Variants in SPECC1L observed in about 807,000 individuals in gnomAD.
The protein encoded by SPECC1L is cytospin-A.
SPECC1L carries 40 observed loss-of-function variants against 116.8 expected under a neutral mutation model. The ratio of observed to expected loss-of-function variants is 0.34; its 90% CI spans 0.27 to 0.45. The LOEUF (loss-of-function observed/expected upper bound fraction) is 0.45. Among genes scored for constraint, SPECC1L ranks in the 20% least tolerant of loss-of-function variants. SPECC1L has a pLI of 1.00. For missense variants in SPECC1L, 1,110 were observed against 1,373.6 expected, an observed-to-expected ratio of 0.81 and a Z score of 3.03; for synonymous variants, 504 against 500.6, an observed-to-expected ratio of 1.01 and a Z score of -0.09.
chr22:24,350,779 T>C (rs553517471), intron 11 of SPECC1L, among the ~76,000 whole-genome samples: 1 of 152,304 alleles, frequency 6.6e-6, no homozygotes, highest in Admixed American at 6.5e-5. Flanking sequence ...CCTTCTTCAG[T>C]CTGCGTTAAG....
Position 24,306,844 on chromosome 22 carries a change from C to T in SPECC1L, c.153+4460C>T, listed in dbSNP as rs542644832. Among the ~76,000 whole-genome samples, 58 of 152,306 alleles carry T rather than the reference C, an allele frequency of 3.8e-4. 3 individuals carry two copies. The South Asian group carries it at 0.012, about 30-fold the overall frequency. On this transcript the variant is annotated intron_variant, in intron 3 of 16. Transcript: ENST00000314328. ...TCTCCAGCGCCTGACAACCACCATT[C>T]TACTTTCTGTCTCTATGAATTTCAC...
chr22:24,355,366 C>T (rs1328725712), intron 11 of SPECC1L, among the ~76,000 whole-genome samples: 1 of 151,848 alleles, frequency 6.6e-6, no homozygotes, highest in African/African-American at 2.4e-5. Context: ...CCTTTAGTCC[C>T]TCTCTGGATA....
At chr22:24,337,366 A>G (rs2041082268) in intron 9 of SPECC1L, among the ~76,000 whole-genome samples, 1 of 152,262 alleles carries the variant, frequency 6.6e-6, no homozygotes, top group Non-Finnish European at 1.5e-5. Flanking sequence ...TTCCGTTTAT[A>G]TTAAATATTC....
At chr22:24,354,562 T>A (rs1256469280) in intron 11 of SPECC1L, among the ~76,000 whole-genome samples, 1 of 152,090 alleles carries the variant, frequency 6.6e-6, no homozygotes, top group African/African-American at 2.4e-5. Flanking sequence ...GCACCTTCCC[T>A]CCACCCCTGA....
At chr22:24,287,047 G>T (rs527330454) in intron 2 of SPECC1L, among the ~76,000 whole-genome samples, 2 of 152,312 alleles carry the variant, frequency 1.3e-5, no homozygotes, top group East Asian at 3.9e-4. Context: ...AAGAGGGATG[G>T]GGGGCCAACC....
intron 2 of SPECC1L, among the ~76,000 whole-genome samples, chr22:24,278,628 G>T (rs930714584): frequency 6.6e-6 from 1 of 152,188 alleles, no homozygotes; most frequent in African/African-American, 2.4e-5. Context: ...TCCAATGGAG[G>T]GGGTGGAGGG....
At chr22:24,406,823 G>A (rs2042601127) in intron 14 of SPECC1L, among the ~76,000 whole-genome samples, 3 of 152,220 alleles carry the variant, frequency 2.0e-5, no homozygotes, top group Admixed American at 1.3e-4. Flanking sequence ...TGCCTTCCGA[G>A]AACCCAGCTT....
At chr22:24,339,262 G>A (rs1386035411) in intron 10 of SPECC1L, among the ~76,000 whole-genome samples, 5 of 152,190 alleles carry the variant, frequency 3.3e-5, no homozygotes, top group Non-Finnish European at 1.5e-5. Context: ...CCTAAGCTTG[G>A]AACTTGGACA....
chr22:24,378,822 T>A (rs1195475113), intron 14 of SPECC1L, among the ~76,000 whole-genome samples: 1 of 152,112 alleles, frequency 6.6e-6, no homozygotes, highest in Non-Finnish European at 1.5e-5. Flanking sequence ...AGACCACTGG[T>A]CATACATCAC....
intron 14 of SPECC1L, among the ~76,000 whole-genome samples, chr22:24,390,881 T>TTC (rs2042257648): frequency 5.0e-5 from 6 of 119,216 alleles, no homozygotes; most frequent in South Asian, 3.1e-4. Flanking sequence ...TCTTTTTTTT[T>TTC]TTTTTTTTTT....
chr22:24,387,594 GTTT>G (rs984977019), intron 14 of SPECC1L, among the ~76,000 whole-genome samples: 5 of 151,876 alleles, frequency 3.3e-5, no homozygotes, highest in Non-Finnish European at 7.4e-5. Flanking sequence ...TGGTTTTGAG[GTTT>G]TTATGTCACA....
chr22:24,307,919 C>A (rs1409419218), intron 3 of SPECC1L, among the ~76,000 whole-genome samples: 2 of 151,468 alleles, frequency 1.3e-5, no homozygotes, highest in East Asian at 1.9e-4. Context: ...CATGTAAAAT[C>A]TTTTTATTTT....
chr22:24,381,664 C>A (rs2042064370), intron 14 of SPECC1L, among the ~76,000 whole-genome samples: 1 of 151,956 alleles, frequency 6.6e-6, no homozygotes, highest in Non-Finnish European at 1.5e-5. Context: ...GGAGGCGGAT[C>A]ACGAGATCAG....
intron 10 of SPECC1L, among the ~76,000 whole-genome samples, chr22:24,343,826 A>G (rs994031310): frequency 6.6e-6 from 1 of 152,154 alleles, no homozygotes; most frequent in Non-Finnish European, 1.5e-5. Flanking sequence ...TAAAAGTAAA[A>G]TTATTTAGGC....
At chr22:24,327,419 G>GAA (rs2040852549) in intron 6 of SPECC1L, among the ~76,000 whole-genome samples, 1 of 151,272 alleles carries the variant, frequency 6.6e-6, no homozygotes, top group Non-Finnish European at 1.5e-5. Flanking sequence ...AAGAAAGAAA[G>GAA]AACATCAGCA....
At chr22:24,378,971 C>T (rs1279356184) in intron 14 of SPECC1L, among the ~76,000 whole-genome samples, 1 of 152,054 alleles carries the variant, frequency 6.6e-6, no homozygotes, top group East Asian at 1.9e-4. Flanking sequence ...GCCACAAACC[C>T]TCAATTTGTA....
chr22:24,302,134 A>C, intron 2 of SPECC1L, 61 bp from the exon 3 acceptor site: 1 of 1,314,096 alleles, frequency 7.6e-7, no homozygotes, highest in South Asian at 1.3e-5. Flanking sequence ...CTTCGAAAAC[A>C]AATTTCTAAA....
At chr22:24,344,604 AAAAAAAG>A (rs1023153642) in intron 10 of SPECC1L, among the ~76,000 whole-genome samples, 11 of 151,260 alleles carry the variant, frequency 7.3e-5, no homozygotes, top group African/African-American at 2.0e-4. Flanking sequence ...AAAAAAAAAA[AAAAAAAG>A]AAAGAAAAGC....
intron 4 of SPECC1L, among the ~76,000 whole-genome samples, chr22:24,313,803 A>C (rs1411729508): frequency 6.9e-6 from 1 of 145,892 alleles, no homozygotes; most frequent in East Asian, 2.0e-4. Context: ...CAATGGTGCC[A>C]TCTTGGCTCA....
Sources: allele counts gnomAD v4.1 joint callset (sites outside exome capture counted in the v4.1 genomes callset), GRCh38; gene constraint gnomAD v4.1.1; transcripts MANE v1.5; gene names NCBI Gene and HGNC (gene_info 2026-07-23, HGNC 2026-07-21).